Variants in PKD1L3 observed in about 807,000 individuals in gnomAD.
PKD1L3 encodes the protein polycystin 1 like 3, transient receptor potential channel interacting.
A neutral mutation model predicts 184.1 loss-of-function variants in PKD1L3; 239 were observed. That is an observed-to-expected ratio of 1.30 (90% CI 1.17 to 1.45). PKD1L3 has a LOEUF of 1.45. Among genes scored for constraint, PKD1L3 ranks in the 40% most tolerant of loss-of-function variants. PKD1L3 has a pLI of 0.00. For synonymous variants in PKD1L3, 996 were observed against 778.8 expected (o/e 1.28, Z -4.64); for missense variants, 2,660 against 2,067.2 (o/e 1.29, Z -5.56).
intron 9 of PKD1L3, 128 bp downstream of exon 9, chr16:71,979,658 G>T: frequency 2.7e-6 from 3 of 1,125,762 alleles, no homozygotes; most frequent in Non-Finnish European, 3.5e-6. Context: ...AAAAATGAAT[G>T]CTACATAAAC....
chr16:71,946,016 TG>T, intron 22 of PKD1L3, among the ~76,000 whole-genome samples: 1 of 152,286 alleles, frequency 6.6e-6, no homozygotes, highest in Non-Finnish European at 1.5e-5. Flanking sequence ...TGGAGTACGA[TG>T]GCACGATCTT....
In PKD1L3 at chr16:71,955,771, T is replaced by C. The variant is rs568148340; in HGVS notation, c.2613-1470A>G. On this transcript the variant is annotated intron_variant, in intron 16 of 29. Transcript: ENST00000620267. ...GTCAGTTTCCCCCATCCTGTTCTTG[T>C]GATCGTGAGCGAGTTCTCACAAGAC... is the stretch of plus-strand genomic sequence containing the variant. Among the ~76,000 whole-genome samples the C allele has an allele frequency of 1.2e-3, 181 of 152,284 alleles. 1 individual carries two copies. The highest frequency in any genetic ancestry group is 4.2e-3 in the African/African-American group (174 of 41,570).
At chr16:71,934,156 C>T in intron 26 of PKD1L3, 31 bp from the exon 27 acceptor site, 1 of 1,548,426 alleles carries the variant, frequency 6.5e-7, no homozygotes, top group Non-Finnish European at 8.7e-7. Context: ...AGTTACTCAG[C>T]AAGAAGTATG....
Position 71,993,237 on chromosome 16 carries a change from C to T in PKD1L3, c.514G>A (p.Ala172Thr), listed in dbSNP as rs755079450. ...TTACCTGGGGGCATTTTGTCTCTTG[C>T]TATTGCAACTCCTCTTTTTGTCTTC... ...HKKTKRGVAIARDKMPPGPGH... is the reference protein window; with the variant it reads ...HKKTKRGVAITRDKMPPGPGH... Residue 172 changes from alanine (A) to threonine (T), a missense_variant, in exon 3 of 30, where the codon GCA (alanine) becomes ACA (threonine). By Grantham distance (58) the Ala-to-Thr change is moderately conservative. Transcript: ENST00000620267. The T allele has an allele frequency of 6.5e-7, 1 of 1,548,842 alleles. No homozygotes were observed. The highest frequency in any genetic ancestry group is 1.2e-5 in the South Asian group (1 of 83,478).
At chr16:71,980,837 A>T (rs2040121829) in intron 7 of PKD1L3, among the ~76,000 whole-genome samples, 1 of 152,188 alleles carries the variant, frequency 6.6e-6, no homozygotes, top group Non-Finnish European at 1.5e-5. Flanking sequence ...TCTGTCTCAT[A>T]AAATAAAATA....
chr16:71,932,110 T>C (rs1185312097), intron 28 of PKD1L3, among the ~76,000 whole-genome samples: 1 of 152,244 alleles, frequency 6.6e-6, no homozygotes, highest in Non-Finnish European at 1.5e-5. Flanking sequence ...CATTCTGGGA[T>C]TGGTTGAATC....
intron 10 of PKD1L3, 91 bp from the exon 11 acceptor site, chr16:71,977,558 C>A (rs55908226): frequency 7.9e-6 from 5 of 628,950 alleles, no homozygotes; most frequent in Non-Finnish European, 1.2e-5. Flanking sequence ...AACGTCCTAG[C>A]TCTTTTTTTT....
intron 5 of PKD1L3, among the ~76,000 whole-genome samples, chr16:71,985,377 GA>G (rs1378139631): frequency 6.6e-6 from 1 of 152,128 alleles, no homozygotes; most frequent in Non-Finnish European, 1.5e-5. Context: ...AAAAAAGCAT[GA>G]GGGAAGCAGG....
Position 71,969,918 on chromosome 16 carries a change from G to A in PKD1L3, c.2141C>T (p.Thr714Ile). Residue 714 changes from threonine to isoleucine, a missense_variant, in exon 13 of 30, where the codon ACA becomes ATA. Coordinates refer to ENST00000620267, the MANE Select transcript of PKD1L3 (RefSeq NM_181536.2). The stretch of plus-strand genomic sequence containing the variant: ...ATCCTTTTTCCGAGCCCACACAACT[G>A]TGATCACATAAAATCCTAAAAGGCT... ...LASLLGFYVI[T>I]VVWARKKDQA... The A allele has an allele frequency of 6.4e-7, 1 of 1,551,898 alleles. No homozygotes were observed.
chr16:71,969,951 A>G lies in PKD1L3; in HGVS notation c.2108T>C (p.Leu703Pro). 1 of 1,551,954 alleles carries G rather than the reference A, an allele frequency of 6.4e-7. No homozygotes were observed. The highest frequency in any genetic ancestry group is 8.7e-7 in the Non-Finnish European group (1 of 1,147,054). The change falls in exon 13 of 30, where the codon CTG (leucine) becomes CCG (proline). Residue 703 changes from leucine (L) to proline (P), a missense_variant. Coordinates refer to ENST00000620267, the MANE Select transcript of PKD1L3 (RefSeq NM_181536.2). ...RVTNNPVGVSLLASLLGFYVI... is the reference protein window; with the variant it reads ...RVTNNPVGVSPLASLLGFYVI... ...ATAAAATCCTAAAAGGCTGGCCAGC[A>G]GTGACACCCCAACAGGATTGTTGGT... is the stretch of plus-strand genomic sequence containing the variant.
intron 4 of PKD1L3, among the ~76,000 whole-genome samples, chr16:71,987,545 G>T (rs948207877): frequency 6.6e-6 from 1 of 151,874 alleles, no homozygotes; most frequent in Non-Finnish European, 1.5e-5. Flanking sequence ...GCTAATTTTT[G>T]TATTTTTAGT....
At position 71,942,794 on chromosome 16, in the gene PKD1L3, G is replaced by A. The variant is rs1255829805; in HGVS notation, c.4090C>T (p.Gln1364Ter). The change falls in exon 24 of 30, where the codon CAA becomes TAA. Residue 1364 changes from glutamine to a stop codon, truncating the protein, a stop_gained. Coordinates refer to ENST00000620267, the MANE Select transcript of PKD1L3 (RefSeq NM_181536.2). LOFTEE classifies it high-confidence loss of function. Reference sequence around the variant, plus strand: ...GTACGGGGTATTTGGAAAATTAATTGTACCCCACATTTGCAATGACTGGGC... The same window carrying A: ...GTACGGGGTATTTGGAAAATTAATTATACCCCACATTTGCAATGACTGGGC... ...LEPSHCKCGV[Q>*]LIFQIPRTKT... is the part of the protein sequence containing the mutation. 1.3e-6 allele frequency: 2 copies of A among 1,551,480 alleles called. No individual in the cohort carries two copies. The highest frequency in any genetic ancestry group is 1.7e-6 in the Non-Finnish European group (2 of 1,146,916).
chr16:71,957,436 A>T (rs1297020948), intron 16 of PKD1L3, among the ~76,000 whole-genome samples: 2 of 152,170 alleles, frequency 1.3e-5, no homozygotes, highest in African/African-American at 4.8e-5. Context: ...GACCAAAAAA[A>T]TGCCTAATCC....
intron 16 of PKD1L3, among the ~76,000 whole-genome samples, chr16:71,961,884 A>C (rs1478487653): frequency 1.3e-5 from 2 of 152,224 alleles, no homozygotes; most frequent in African/African-American, 2.4e-5. Flanking sequence ...TCTGGGAGTC[A>C]AGTACCAGAA....
At position 71,950,212 on chromosome 16, in the gene PKD1L3, GGTGACCCTGGGTGAGACCCA is replaced by G. The variant is rs2038778246; in HGVS notation, c.3269_3288del (p.Leu1090ProfsTer4). 6.4e-7 allele frequency: 1 copy of G among 1,552,086 alleles called. No individual in the cohort carries two copies. The highest frequency in any genetic ancestry group is 8.7e-7 in the Non-Finnish European group (1 of 1,147,108). ...GCTGCATCTAGGAAGTCACAGGACT[GGTGACCCTGGGTGAGACCCA>G]GCGTGCCTAAGTGAGATTTCAGCCT... On this transcript the variant is annotated frameshift_variant, in exon 20 of 30. Coordinates refer to ENST00000620267, the MANE Select transcript of PKD1L3 (RefSeq NM_181536.2). LOFTEE classifies it high-confidence loss of function.
In PKD1L3 at chr16:71,954,121, G is replaced by A; in HGVS notation, c.2793C>T (p.Ala931=). The A allele has an allele frequency of 3.2e-6, 5 of 1,543,706 alleles. No homozygotes were observed. Among genetic ancestry groups the A allele is most frequent in the Non-Finnish European group, 4.4e-6 (5 of 1,144,058 alleles). The part of the protein sequence containing the change: ...VMFWKINSTT[A]KRDEQMRPFA... ...CATCCATACTTTGCTCATCTCTCTT[G>A]GCAGTGGTGCTGTTTATCTTCCAGA... The change falls in exon 17 of 30, where the codon GCC becomes GCT. Residue 931 remains alanine (A), a synonymous_variant. Coordinates refer to ENST00000620267, the MANE Select transcript of PKD1L3 (RefSeq NM_181536.2).
Position 71,990,314 on chromosome 16 carries a change from G to A in PKD1L3, c.551C>T (p.Pro184Leu). 1.9e-6 allele frequency: 3 copies of A among 1,548,164 alleles called. No individual in the cohort carries two copies. The highest frequency in any genetic ancestry group is 2.6e-6 in the Non-Finnish European group (3 of 1,144,336). The part of the protein sequence containing the change: ...DKMPPGPGHL[P>L]TTCHYPLPAH... Reference sequence around the variant, plus strand: ...AGGAAGAGGATAGTGACATGTGGTTGGAAGATGACCAGGTCCTATAGAAAA... The same window carrying A: ...AGGAAGAGGATAGTGACATGTGGTTAGAAGATGACCAGGTCCTATAGAAAA... Residue 184 changes from proline to leucine, a missense_variant, in exon 4 of 30, where the codon CCA becomes CTA. By Grantham distance (98) the Pro-to-Leu change is moderately conservative. Transcript: ENST00000620267.
At chr16:71,989,256 G>A (rs2040495921) in intron 4 of PKD1L3, among the ~76,000 whole-genome samples, 1 of 152,218 alleles carries the variant, frequency 6.6e-6, no homozygotes, top group Non-Finnish European at 1.5e-5. Flanking sequence ...CTGGGTTCAA[G>A]TGATTCTCCT....
intron 6 of PKD1L3, among the ~76,000 whole-genome samples, chr16:71,982,682 G>A (rs567259791): frequency 1.8e-4 from 27 of 151,756 alleles, no homozygotes; most frequent in Non-Finnish European, 3.8e-4. Context: ...CTGCAGCCTC[G>A]AACTTCTGGA....
Sources: allele counts gnomAD v4.1 joint callset (sites outside exome capture counted in the v4.1 genomes callset), GRCh38; gene constraint gnomAD v4.1.1; transcripts MANE v1.5; gene names NCBI Gene and HGNC (gene_info 2026-07-23, HGNC 2026-07-21).